Variants in TP63 observed in about 807,000 individuals in gnomAD.
TP63 encodes tumor protein 63.
TP63 carries 17 observed loss-of-function variants against 82.8 expected under a neutral mutation model. The ratio of observed to expected loss-of-function variants is 0.21; its 90% confidence interval spans 0.14 to 0.31. TP63 has a LOEUF of 0.31. Ranked by LOEUF, TP63 falls within the 10% of genes least tolerant of loss-of-function variation. The pLI, the probability that TP63 is intolerant of heterozygous loss-of-function variation, is 1.00. For missense variants in TP63, 648 were observed against 895.3 expected, an observed-to-expected ratio of 0.72 and a Z score of 3.52; for synonymous variants, 330 against 321.7, an observed-to-expected ratio of 1.03 and a Z score of -0.28.
At chr3:189,610,634 C>T in the TP63 span, among the ~76,000 whole-genome samples, 2 of 152,204 alleles carry the variant, frequency 1.3e-5, no homozygotes, top group Non-Finnish European at 2.9e-5. Flanking sequence ...CCCACATTTT[C>T]CTATCTTCTT....
intron 4 of TP63, among the ~76,000 whole-genome samples, chr3:189,843,289 G>GGGCT (rs113331592): frequency 0.14 from 21,786 of 152,174 alleles, 1,801 homozygotes; most frequent in African/African-American, 0.23. Flanking sequence ...CAGGCCCAGT[G>GGGCT]GGCTCCTGGC....
At chr3:189,842,012 G>A (rs1381073657) in intron 4 of TP63, among the ~76,000 whole-genome samples, 4 of 152,188 alleles carry the variant, frequency 2.6e-5, no homozygotes, top group African/African-American at 9.7e-5. Flanking sequence ...AAGGAACAGG[G>A]AAAACCAGTT....
chr3:189,680,315 G>A (rs1362315984), intron 1 of TP63, among the ~76,000 whole-genome samples: 1 of 151,576 alleles, frequency 6.6e-6, no homozygotes, highest in Non-Finnish European at 1.5e-5. Flanking sequence ...CAGCCTCCTT[G>A]GTCAAATATG....
chr3:189,719,836 A>G (rs1384758582), intron 1 of TP63, among the ~76,000 whole-genome samples: 3 of 152,178 alleles, frequency 2.0e-5, no homozygotes, highest in African/African-American at 7.2e-5. Flanking sequence ...TTAAAAAGCA[A>G]ATTTCTTTCT....
chr3:189,693,598 C>T lies in TP63; in HGVS notation c.63-44142C>T, dbSNP rs116311816. Among the ~76,000 whole-genome samples, 244 of 152,080 alleles carry T rather than the reference C, an allele frequency of 1.6e-3. 1 individual carries two copies. Among genetic ancestry groups the T allele is most frequent in the African/African-American group, 5.1e-3 (210 of 41,472 alleles). ...TTATTGAACGGAATTTGGATGGGGA[C>T]GATTATTCTGAATTTGTGCTACTCT... On this transcript the variant is annotated intron_variant, in intron 1 of 13. Coordinates refer to ENST00000264731, the MANE Select transcript of TP63 (RefSeq NM_003722.5).
chr3:189,840,462 G>T (rs1313860863), intron 4 of TP63, among the ~76,000 whole-genome samples: 1 of 131,734 alleles, frequency 7.6e-6, no homozygotes, highest in African/African-American at 2.9e-5. Flanking sequence ...AATAGATTGT[G>T]TACGTGTGTG....
At chr3:189,709,603 C>T (rs977777052) in intron 1 of TP63, among the ~76,000 whole-genome samples, 1 of 151,996 alleles carries the variant, frequency 6.6e-6, no homozygotes, top group African/African-American at 2.4e-5. Flanking sequence ...TACAATTGTG[C>T]CACTGTACTC....
At chr3:189,655,667 T>C (rs142216246) in intron 1 of TP63, among the ~76,000 whole-genome samples, 1 of 152,144 alleles carries the variant, frequency 6.6e-6, no homozygotes, top group African/African-American at 2.4e-5. Flanking sequence ...CAGATGCACA[T>C]AGAGAAACTG....
At chr3:189,880,888 A>G (rs1577184321) in intron 10 of TP63, 1 of 985,386 alleles carries the variant, frequency 1.0e-6, no homozygotes, top group Non-Finnish European at 1.2e-6. Flanking sequence ...GGCATCTGTT[A>G]TGCTAAAGTT....
At chr3:189,779,160 T>C (rs1434626405) in intron 3 of TP63, among the ~76,000 whole-genome samples, 1 of 152,210 alleles carries the variant, frequency 6.6e-6, no homozygotes, top group African/African-American at 2.4e-5. Flanking sequence ...ATATTAACAC[T>C]AAAGTAGCTT....
At chr3:189,786,446 AAC>A (rs59747587) in intron 3 of TP63, among the ~76,000 whole-genome samples, 18,491 of 146,844 alleles carry the variant, frequency 0.13, 1,264 homozygotes, top group Middle Eastern at 0.19. Context: ...GACATACCTA[AAC>A]ACACACACAC....
At chr3:189,642,979 AT>A (rs1272953421) in intron 1 of TP63, among the ~76,000 whole-genome samples, 1 of 15,812 alleles carries the variant, frequency 6.3e-5, no homozygotes, top group African/African-American at 7.9e-5. Context: ...AGACAGCCAA[AT>A]TTATTTATTT....
intron 3 of TP63, chr3:189,789,989 T>G (rs1439599773): frequency 1.1e-5 from 8 of 735,852 alleles, no homozygotes; most frequent in Non-Finnish European, 1.5e-5. Context: ...GGTTAATGTT[T>G]TCTGTGGTGG....
intron 1 of TP63, among the ~76,000 whole-genome samples, chr3:189,644,715 A>G (rs899947366): frequency 5.9e-5 from 9 of 152,060 alleles, no homozygotes; most frequent in Non-Finnish European, 1.3e-4. Context: ...CAAAGTCCAT[A>G]TATCATTCTT....
chr3:189,767,071 T>C (rs1723008282), intron 3 of TP63, among the ~76,000 whole-genome samples: 1 of 152,212 alleles, frequency 6.6e-6, no homozygotes, highest in African/African-American at 2.4e-5. Flanking sequence ...AATCTTGCCA[T>C]ATAACAAATC....
At chr3:189,666,972 A>G (rs9840974) in intron 1 of TP63, among the ~76,000 whole-genome samples, 65,613 of 149,606 alleles carry the variant, frequency 0.44, 15,853 homozygotes, top group Middle Eastern at 0.69. Context: ...GACAAAATAT[A>G]TAAGAAAACT....
chr3:189,815,512 A>G (rs550759814), intron 4 of TP63, among the ~76,000 whole-genome samples: 1 of 152,244 alleles, frequency 6.6e-6, no homozygotes, highest in Admixed American at 6.5e-5. Flanking sequence ...TTAAAATATT[A>G]AATTAATTAT....
intron 3 of TP63, among the ~76,000 whole-genome samples, chr3:189,768,836 A>G (rs1194400421): frequency 6.6e-6 from 1 of 152,198 alleles, no homozygotes; most frequent in Non-Finnish European, 1.5e-5. Flanking sequence ...GCTGAACAAC[A>G]GCAAAAAAGC....
At chr3:189,783,561 A>G (rs1724384245) in intron 3 of TP63, among the ~76,000 whole-genome samples, 1 of 151,936 alleles carries the variant, frequency 6.6e-6, no homozygotes, top group Non-Finnish European at 1.5e-5. Context: ...TGTATATAAT[A>G]CTAAAAAGGA....
Sources: allele counts gnomAD v4.1 joint callset (sites outside exome capture counted in the v4.1 genomes callset), GRCh38; gene constraint gnomAD v4.1.1; transcripts MANE v1.5; gene names NCBI Gene and HGNC (gene_info 2026-07-23, HGNC 2026-07-21).